SLC36A1: variants seen among roughly 807,000 people sequenced by gnomAD.
The protein encoded by SLC36A1 is proton-coupled amino acid transporter 1.
A neutral mutation model predicts 47.5 loss-of-function variants in SLC36A1; 30 were observed. The ratio of observed to expected loss-of-function variants is 0.63; its 90% CI spans 0.47 to 0.86. The LOEUF (loss-of-function observed/expected upper bound fraction) is 0.86, where lower values mean the gene tolerates loss of function less well. SLC36A1 is among the 40% of genes least tolerant of loss of function. The pLI is 0.00. For synonymous variants in SLC36A1, 255 were observed against 249.7 expected, an observed-to-expected ratio of 1.02 and a Z score of -0.20; for missense variants, 517 against 606.0, an observed-to-expected ratio of 0.85 and a Z score of 1.54.
the SLC36A1 span, chr5:151,546,250 T>A: frequency 6.2e-7 from 1 of 1,614,168 alleles, no homozygotes; most frequent in East Asian, 2.2e-5. Flanking sequence ...TGTCAGAGTA[T>A]GTGGGGCATG....
chr5:151,543,665 C>G, the SLC36A1 span: 1 of 1,614,038 alleles, frequency 6.2e-7, no homozygotes, highest in Admixed American at 1.7e-5. Context: ...GCTAATTCTG[C>G]CTCATAAAGG....
chr5:151,395,626 G>A, the SLC36A1 span, among the ~76,000 whole-genome samples: 4 of 152,246 alleles, frequency 2.6e-5, no homozygotes, highest in East Asian at 5.8e-4. Context: ...GAGTTGGTGT[G>A]TGTGCATCAG....
the SLC36A1 span, chr5:151,380,780 G>T: frequency 5.5e-5 from 29 of 528,074 alleles, no homozygotes; most frequent in Non-Finnish European, 1.0e-4. Context: ...CATTGTGAGC[G>T]CAAGGCCTCT....
At chr5:151,508,496 G>C in the SLC36A1 span, among the ~76,000 whole-genome samples, 2 of 152,088 alleles carry the variant, frequency 1.3e-5, no homozygotes, top group Non-Finnish European at 2.9e-5. Flanking sequence ...GATCACTTGA[G>C]GTCAGGAATT....
chr5:151,426,255 A>G, the SLC36A1 span, among the ~76,000 whole-genome samples: 1 of 152,324 alleles, frequency 6.6e-6, no homozygotes, highest in East Asian at 1.9e-4. Context: ...TAGAGAAAGA[A>G]CAGTGGGCCC....
At chr5:151,507,594 C>T in the SLC36A1 span, 2 of 1,604,202 alleles carry the variant, frequency 1.2e-6, no homozygotes, top group Non-Finnish European at 1.7e-6. Flanking sequence ...TGAACAACCC[C>T]TCGCCTCCAT....
chr5:151,534,608 T>G, the SLC36A1 span: 1 of 1,613,882 alleles, frequency 6.2e-7, no homozygotes, highest in South Asian at 1.1e-5. Flanking sequence ...CATCCTTCCT[T>G]TCTCGGTCTA....
At chr5:151,452,077 G>A (rs1242294465) in intron 1 of SLC36A1, among the ~76,000 whole-genome samples, 1 of 152,256 alleles carries the variant, frequency 6.6e-6, no homozygotes, top group East Asian at 1.9e-4. Context: ...GATCTTCATG[G>A]TTGGGAGTAA....
chr5:151,531,667 G>C, the SLC36A1 span: 1 of 1,613,814 alleles, frequency 6.2e-7, no homozygotes, highest in Admixed American at 1.7e-5. This position sits in a 1 kb window ranked among gnomAD's most constrained non-coding sequence, Gnocchi z 5.7. Context: ...GCCCGGGCGA[G>C]TGAGGGTGGC....
chr5:151,347,156 A>C, the SLC36A1 span: 11 of 980,076 alleles, frequency 1.1e-5, no homozygotes, highest in Admixed American at 2.0e-4. Context: ...AGCTTGACTC[A>C]GCCCATGACT....
chr5:151,536,529 G>A, the SLC36A1 span, among the ~76,000 whole-genome samples: 1 of 152,036 alleles, frequency 6.6e-6, no homozygotes, highest in Non-Finnish European at 1.5e-5. Flanking sequence ...CAGCAGGGCA[G>A]GAATCCCTCC....
the SLC36A1 span, among the ~76,000 whole-genome samples, chr5:151,397,764 C>CG: frequency 2.3e-5 from 1 of 44,338 alleles, no homozygotes; most frequent in African/African-American, 8.9e-5. Context: ...AACTCCAACT[C>CG]AAAAAAAAAA....
chr5:151,511,842 A>G, the SLC36A1 span: 1 of 291,338 alleles, frequency 3.4e-6, no homozygotes, highest in Non-Finnish European at 6.4e-6. Context: ...ATATAAGTTA[A>G]AGGGGAATGA....
intron 7 of SLC36A1, among the ~76,000 whole-genome samples, chr5:151,468,275 A>T (rs1756818888): frequency 1.0e-5 from 1 of 95,674 alleles, no homozygotes; most frequent in African/African-American, 4.8e-5. Flanking sequence ...AAATATATAT[A>T]TATATATATA....
Position 151,489,010 on chromosome 5 carries a change from A to C in SLC36A1, c.*756A>C, listed in dbSNP as rs1363335013. 6.6e-6 allele frequency: 1 copy of C among 152,196 alleles called. No homozygotes were observed. The highest frequency in any genetic ancestry group is 1.5e-5 in the Non-Finnish European group (1 of 68,044). 9.4% of individuals were successfully genotyped at this position (152,196 alleles called of 1,614,324 possible). ...CTGTCTTAGATCTGGGGCTATTACG[A>C]ATCACTTCTTCTTCAGTAAACTTTG... On this transcript the variant is annotated 3_prime_UTR_variant, in exon 11 of 11. Coordinates refer to ENST00000243389, the MANE Select transcript of SLC36A1 (RefSeq NM_078483.4). This position sits in a 1 kb window ranked among gnomAD's most constrained non-coding sequence, Gnocchi z 4.5.
chr5:151,463,235 A>G (rs1755818389), intron 2 of SLC36A1, among the ~76,000 whole-genome samples: 1 of 152,144 alleles, frequency 6.6e-6, no homozygotes, highest in South Asian at 2.1e-4. Flanking sequence ...TACACTTGGA[A>G]AGGATAGAGT....
At chr5:151,550,467 A>G in the SLC36A1 span, 1 of 1,145,918 alleles carries the variant, frequency 8.7e-7, no homozygotes. Context: ...GTGAAATGTC[A>G]CAACTCTGTC....
chr5:151,509,826 GA>G, the SLC36A1 span: 166 of 614,760 alleles, frequency 2.7e-4, no homozygotes, highest in Non-Finnish European at 4.1e-4. Context: ...CTGGTCCGTG[GA>G]AAAAGTGTCT....
the SLC36A1 span, among the ~76,000 whole-genome samples, chr5:151,401,769 G>A: frequency 1.3e-5 from 2 of 152,146 alleles, no homozygotes; most frequent in South Asian, 2.1e-4. Context: ...TATTCTTTTT[G>A]TGGCTATTGT....
Sources: gnomAD v4.1 joint callset for allele counts (sites outside exome capture counted in the v4.1 genomes callset) on GRCh38, gnomAD v4.1.1 for gene constraint, Gnocchi (gnomAD v3.1) non-coding constraint, MANE v1.5 for transcripts, NCBI Gene and HGNC (gene_info 2026-07-23, HGNC 2026-07-21) for gene names.